The following TNFRSF11A variants were observed in gnomAD, a reference collection of about 807,000 sequenced individuals.
TNFRSF11A encodes TNF receptor superfamily member 11a, also known as tumor necrosis factor receptor superfamily member 11A.
In TNFRSF11A, 32 loss-of-function variants were observed where a neutral mutation model predicts 55.7. The ratio of observed to expected loss-of-function variants is 0.57; its 90% CI spans 0.43 to 0.77. The LOEUF is 0.77. Among genes scored for constraint, TNFRSF11A ranks in the 30% least tolerant of loss-of-function variants. The probability of loss-of-function intolerance (pLI) is 0.00; values close to 1 mark genes in which losing one functional copy is unlikely to be tolerated. For missense variants in TNFRSF11A, 753 were observed against 809.8 expected (o/e 0.93, Z 0.85); for synonymous variants, 311 against 331.0 (o/e 0.94, Z 0.65).
rs918404632 is a variant in TNFRSF11A, at chr18:62,362,485, C to T, written c.730+692C>T. Among the ~76,000 whole-genome samples the T allele has an allele frequency of 7.3e-5, 5 of 68,668 alleles. No individual in the cohort carries two copies. In the Admixed American group the frequency reaches 8.4e-4, roughly 12 times the overall value. The allele number at this position is 68,668 out of a possible 152,430, so 45.0% of individuals were successfully genotyped here. A position where few individuals can be genotyped will look rare whatever the true frequency, so the allele number is the denominator to read the frequency against. ...AGCCTGGACAACAAGAGCAAAACTTCATCTCAAAAAAAAAAAAAAAAAAAA... is the reference window on the plus strand; with the variant it reads ...AGCCTGGACAACAAGAGCAAAACTTTATCTCAAAAAAAAAAAAAAAAAAAA... On this transcript the variant is annotated intron_variant, in intron 7 of 9. Coordinates refer to ENST00000586569, the MANE Select transcript of TNFRSF11A (RefSeq NM_003839.4).
intron 5 of TNFRSF11A, 61 bp downstream of exon 5, chr18:62,358,402 G>C (rs1429424473): frequency 6.7e-7 from 1 of 1,486,288 alleles, no homozygotes; most frequent in Non-Finnish European, 9.4e-7. Flanking sequence ...AACCTCCACT[G>C]TCTCGTCTGG....
At position 62,369,252 on chromosome 18, in the gene TNFRSF11A, C is replaced by A; in HGVS notation, c.1335C>A (p.Val445=). The A allele has an allele frequency of 6.2e-7, 1 of 1,613,550 alleles. No individual in the cohort carries two copies. The highest frequency in any genetic ancestry group is 8.5e-7 in the Non-Finnish European group (1 of 1,180,036). Residue 445 remains valine, a synonymous_variant, in exon 9 of 10, where the codon GTC becomes GTA. Coordinates refer to ENST00000586569, the MANE Select transcript of TNFRSF11A (RefSeq NM_003839.4). The part of the protein sequence containing the change: ...AASPSPNWAD[V]CTGCRNPPGE... ...GCCCCAGCCCCAACTGGGCAGATGT[C>A]TGCACAGGCTGCCGGAACCCTCCTG...
At chr18:62,348,670 C>A (rs778934839) in intron 2 of TNFRSF11A, among the ~76,000 whole-genome samples, 2 of 152,070 alleles carry the variant, frequency 1.3e-5, no homozygotes, top group Non-Finnish European at 2.9e-5. Flanking sequence ...TTGCCTAAAC[C>A]CTTGTCGTAC....
intron 1 of TNFRSF11A, among the ~76,000 whole-genome samples, chr18:62,347,912 A>AT (rs2046407458): frequency 6.6e-6 from 1 of 151,698 alleles, no homozygotes; most frequent in South Asian, 2.1e-4. Flanking sequence ...TAAAAAAAAA[A>AT]ACAAAAAAAC....
intron 8 of TNFRSF11A, chr18:62,367,283 A>T: frequency 6.0e-6 from 1 of 167,604 alleles, no homozygotes. Flanking sequence ...CTTTGTTTCC[A>T]CTTCTGTCAT....
chr18:62,369,515 G>T, intron 9 of TNFRSF11A, 31 bp downstream of exon 9: 1 of 1,599,818 alleles, frequency 6.3e-7, no homozygotes. Context: ...TCACTTCTGA[G>T]CAGAAGGGCC....
At chr18:62,367,040 G>A (rs1910141451) in intron 8 of TNFRSF11A, among the ~76,000 whole-genome samples, 1 of 152,188 alleles carries the variant, frequency 6.6e-6, no homozygotes, top group Admixed American at 6.5e-5. Context: ...AATAGAGACA[G>A]GGCTTCACCG....
rs1911950846 is a variant in TNFRSF11A, at chr18:62,390,380, G to A, written c.*5346G>A. 6.6e-6 allele frequency: 1 copy of A among 152,236 alleles called. No individual in the cohort carries two copies. Among genetic ancestry groups the A allele is most frequent in the Non-Finnish European group, 1.5e-5 (1 of 68,044 alleles). 9.4% of individuals were successfully genotyped at this position (152,236 alleles called of 1,614,324 possible). A position where few individuals can be genotyped will look rare whatever the true frequency, so the allele number is the denominator to read the frequency against. On this transcript the variant is annotated 3_prime_UTR_variant, in exon 10 of 10. Coordinates refer to ENST00000586569, the MANE Select transcript of TNFRSF11A (RefSeq NM_003839.4). ...TGGGCATCAGTGTAGGCAACATGTAGGGCGCAAAGAATAGCCAGATGTGAA... is the reference window on the plus strand; with the variant it reads ...TGGGCATCAGTGTAGGCAACATGTAAGGCGCAAAGAATAGCCAGATGTGAA...
intron 4 of TNFRSF11A, among the ~76,000 whole-genome samples, chr18:62,355,491 G>C (rs1459272609): frequency 6.6e-6 from 1 of 152,086 alleles, no homozygotes; most frequent in African/African-American, 2.4e-5. Flanking sequence ...TGGTCAGGCT[G>C]GTCTCGAACT....
chr18:62,357,096 G>GC, intron 4 of TNFRSF11A, among the ~76,000 whole-genome samples: 1 of 152,204 alleles, frequency 6.6e-6, no homozygotes, highest in East Asian at 1.9e-4. Context: ...AGGTGAAGGA[G>GC]CGGGTACCCT....
intron 3 of TNFRSF11A, among the ~76,000 whole-genome samples, chr18:62,351,393 GT>G (rs1461830840): frequency 6.6e-6 from 1 of 152,108 alleles, no homozygotes; most frequent in Non-Finnish European, 1.5e-5. Flanking sequence ...TTTGTTTTTT[GT>G]TTTGTTTGTG....
chr18:62,353,735 T>G (rs1413220249), intron 3 of TNFRSF11A, among the ~76,000 whole-genome samples: 1 of 151,862 alleles, frequency 6.6e-6, no homozygotes, highest in East Asian at 1.9e-4. Flanking sequence ...GTGTGTAGTT[T>G]ACAACAGATC....
chr18:62,369,372 C>T lies in TNFRSF11A; in HGVS notation c.1455C>T (p.Ser485=). 6.2e-7 allele frequency: 1 copy of T among 1,610,774 alleles called. No individual in the cohort carries two copies. Residue 485 remains serine (S), a synonymous_variant, in exon 9 of 10, where the codon AGC becomes AGT. Transcript: ENST00000586569. ...GCCTTCCCCCTGAAGAAGAAGCCAG[C>T]AGGACGGAGGCCAGAGACCAGCCCG... ...GMGLPPEEEA[S]RTEARDQPED... is the part of the protein sequence containing the mutation.
At position 62,386,334 on chromosome 18, in the gene TNFRSF11A, C is replaced by T. The variant is rs1270805530; in HGVS notation, c.*1300C>T. 3 of 152,140 alleles carry T rather than the reference C, an allele frequency of 2.0e-5. No homozygotes were observed. Among genetic ancestry groups the T allele is most frequent in the African/African-American group, 4.8e-5 (2 of 41,422 alleles). 9.4% of individuals were successfully genotyped at this position (152,140 alleles called of 1,614,324 possible). On this transcript the variant is annotated 3_prime_UTR_variant, in exon 10 of 10. Coordinates refer to ENST00000586569, the MANE Select transcript of TNFRSF11A (RefSeq NM_003839.4). Reference sequence around the variant, plus strand: ...AGATCCTCTTTTATTCGTAAATAATCGTGCATCTGTGGGTTAGCCTTGTAG... The same window carrying T: ...AGATCCTCTTTTATTCGTAAATAATTGTGCATCTGTGGGTTAGCCTTGTAG...
intron 8 of TNFRSF11A, among the ~76,000 whole-genome samples, chr18:62,368,351 G>A (rs745668387): frequency 2.6e-5 from 4 of 152,148 alleles, no homozygotes; most frequent in Admixed American, 6.6e-5. Flanking sequence ...CTGCTTACTC[G>A]AGTTCAATAT....
At chr18:62,364,616 A>G (rs1387620671) in intron 7 of TNFRSF11A, among the ~76,000 whole-genome samples, 3 of 152,144 alleles carry the variant, frequency 2.0e-5, no homozygotes, top group African/African-American at 7.2e-5. Flanking sequence ...AAACAGCTGC[A>G]ACTGTCCTTT....
rs58712892 is a variant in TNFRSF11A at position 62,384,046 on chromosome 18, AACACAC to A, written c.1568-677_1568-672del. Among the ~76,000 whole-genome samples the A allele has an allele frequency of 8.7e-3, 1,277 of 146,020 alleles. 13 individuals carry two copies. Among genetic ancestry groups the A allele is most frequent in the African/African-American group, 0.029 (1,139 of 39,808 alleles). ...CCTTAGCTGTGCTTGTTCTGTGTTGAACACACACACACACACACACACACACACACA... is the reference window on the plus strand; with the variant it reads ...CCTTAGCTGTGCTTGTTCTGTGTTGAACACACACACACACACACACACACA... On this transcript the variant is annotated intron_variant, in intron 9 of 9. Coordinates refer to ENST00000586569, the MANE Select transcript of TNFRSF11A (RefSeq NM_003839.4).
At chr18:62,342,424 A>AAAAAAAAAAAC (rs1491017571) in intron 1 of TNFRSF11A, among the ~76,000 whole-genome samples, 1 of 146,786 alleles carries the variant, frequency 6.8e-6, no homozygotes, top group Non-Finnish European at 1.5e-5. Flanking sequence ...AAAAAAAAAA[A>AAAAAAAAAAAC]ATCCTATATT....
At chr18:62,380,266 C>CT (rs1322655621) in intron 9 of TNFRSF11A, among the ~76,000 whole-genome samples, 1 of 152,144 alleles carries the variant, frequency 6.6e-6, no homozygotes, top group Non-Finnish European at 1.5e-5. Flanking sequence ...GGTTTAGTCT[C>CT]TATCAGTTTA....
Sources: gnomAD v4.1 joint callset for allele counts (sites outside exome capture counted in the v4.1 genomes callset) on GRCh38, gnomAD v4.1.1 for gene constraint, MANE v1.5 for transcripts, NCBI Gene and HGNC (gene_info 2026-07-23, HGNC 2026-07-21) for gene names.